SRBD1: variants seen among roughly 807,000 people sequenced by gnomAD.
The protein encoded by SRBD1 is S1 RNA-binding domain-containing protein 1.
SRBD1 carries 88 observed loss-of-function variants against 115.3 expected under a neutral mutation model. The observed-to-expected ratio is 0.76, with a 90% confidence interval of 0.64 to 0.91. SRBD1 has a LOEUF of 0.91. Among genes scored for constraint, SRBD1 ranks in the 40% least tolerant of loss-of-function variants. SRBD1 has a pLI of 0.00. For synonymous variants in SRBD1, 509 were observed against 407.7 expected (o/e 1.25, Z -2.99); for missense variants, 1,385 against 1,177.4 (o/e 1.18, Z -2.58).
At chr2:45,404,235 T>C (rs758922574) in intron 19 of SRBD1, among the ~76,000 whole-genome samples, 5 of 152,124 alleles carry the variant, frequency 3.3e-5, no homozygotes, top group Non-Finnish European at 7.4e-5. Flanking sequence ...GTTGAAGATT[T>C]TGGGGAGAGA....
Position 45,389,196 on chromosome 2 carries a change from G to C in SRBD1, c.*114C>G. 8.4e-7 allele frequency: 1 copy of C among 1,196,146 alleles called. No individual in the cohort carries two copies. Among genetic ancestry groups the C allele is most frequent in the South Asian group, 1.7e-5 (1 of 60,142 alleles). 74.1% of individuals were successfully genotyped at this position (1,196,146 alleles called of 1,614,324 possible). On this transcript the variant is annotated 3_prime_UTR_variant, in exon 21 of 21. Transcript: ENST00000263736. ...AGGAAAGTGTTTGGAAAATATTTCT[G>C]ATATTAAGTGAATTATTTCTCATCT...
intron 15 of SRBD1, among the ~76,000 whole-genome samples, chr2:45,478,021 T>C (rs1344524482): frequency 1.3e-5 from 2 of 151,624 alleles, no homozygotes; most frequent in Non-Finnish European, 2.9e-5. Context: ...GTTTATAAGA[T>C]AGATTTAGCT....
chr2:45,579,763 G>T, intron 7 of SRBD1, 112 bp downstream of exon 7: 1 of 1,237,514 alleles, frequency 8.1e-7, no homozygotes, highest in Non-Finnish European at 1.1e-6. Context: ...TACATACGCT[G>T]TAATATTCTT....
At chr2:45,509,019 A>G (rs574913640) in intron 14 of SRBD1, among the ~76,000 whole-genome samples, 31 of 152,192 alleles carry the variant, frequency 2.0e-4, no homozygotes, top group African/African-American at 7.2e-4. Flanking sequence ...AAGAGAATAC[A>G]TGCTAGTACA....
rs144757436 is a variant in SRBD1 at position 45,542,999 on chromosome 2, T to C, written c.1874+3733A>G. On this transcript the variant is annotated intron_variant, in intron 14 of 20. Transcript: ENST00000263736. ...TAAATCTAAAAAACACAAACTAATG[T>C]ATAACTACAAAAGCAAAATGAGTGC... is the stretch of plus-strand genomic sequence containing the variant. Among the ~76,000 whole-genome samples, 35 of 152,310 alleles carry C rather than the reference T, an allele frequency of 2.3e-4. No homozygotes were observed. The East Asian group carries it at 2.9e-3, about 13-fold the overall frequency.
intron 19 of SRBD1, among the ~76,000 whole-genome samples, chr2:45,401,087 C>A (rs1178468562): frequency 1.3e-5 from 2 of 152,090 alleles, no homozygotes; most frequent in Non-Finnish European, 2.9e-5. Context: ...TTTGTAAGGG[C>A]ACTTTTGAAA....
intron 16 of SRBD1, among the ~76,000 whole-genome samples, chr2:45,461,364 G>C (rs1461879687): frequency 6.6e-6 from 1 of 152,162 alleles, no homozygotes; most frequent in Non-Finnish European, 1.5e-5. Flanking sequence ...AAATGACGGA[G>C]TCTTTCAAAA....
intron 14 of SRBD1, among the ~76,000 whole-genome samples, chr2:45,504,764 G>A (rs1670747007): frequency 6.6e-6 from 1 of 152,090 alleles, no homozygotes; most frequent in Non-Finnish European, 1.5e-5. Context: ...GGAAGAGGAA[G>A]CGGCAAGGAC....
In SRBD1 at chr2:45,601,940, C is replaced by A. The variant is rs1323533161; in HGVS notation, c.224G>T (p.Ser75Ile). The A allele has an allele frequency of 6.2e-7, 1 of 1,614,104 alleles. No individual in the cohort carries two copies. Among genetic ancestry groups the A allele is most frequent in the Non-Finnish European group, 8.5e-7 (1 of 1,180,028 alleles). The change falls in exon 3 of 21, where the codon AGT becomes ATT. Residue 75 changes from serine to isoleucine, a missense_variant. Coordinates refer to ENST00000263736, the MANE Select transcript of SRBD1 (RefSeq NM_018079.5). ...PRVKKNAPQI[S>I]DGSEVVVVKE... ...AACAACAACGACTTCTGAGCCATCA[C>A]TGATCTGTGGGGCATTCTTCTTCAC...
chr2:45,563,987 C>T (rs1672749092), intron 9 of SRBD1, among the ~76,000 whole-genome samples: 1 of 152,082 alleles, frequency 6.6e-6, no homozygotes, highest in Non-Finnish European at 1.5e-5. Flanking sequence ...CCAGACAAGA[C>T]TTCACAAGAA....
intron 9 of SRBD1, among the ~76,000 whole-genome samples, chr2:45,564,366 C>G (rs1446517443): frequency 6.6e-6 from 1 of 152,122 alleles, no homozygotes; most frequent in East Asian, 1.9e-4. Flanking sequence ...AGACCAGGAA[C>G]AAGACAAGCG....
At chr2:45,466,149 G>C (rs1412195344) in intron 16 of SRBD1, among the ~76,000 whole-genome samples, 1 of 152,152 alleles carries the variant, frequency 6.6e-6, no homozygotes, top group Non-Finnish European at 1.5e-5. Context: ...CTTAACACTA[G>C]CTGTTCTTTT....
chr2:45,517,572 T>A (rs1671157876), intron 14 of SRBD1, among the ~76,000 whole-genome samples: 1 of 152,244 alleles, frequency 6.6e-6, no homozygotes, highest in African/African-American at 2.4e-5. Context: ...TTCCCGTTAA[T>A]CCTAAGTAAA....
intron 5 of SRBD1, among the ~76,000 whole-genome samples, chr2:45,582,609 A>G (rs1055388345): frequency 6.6e-6 from 1 of 152,126 alleles, no homozygotes; most frequent in African/African-American, 2.4e-5. Context: ...ACTTAGTGCT[A>G]CAATCCATTG....
chr2:45,547,493 T>C (rs545702227), intron 13 of SRBD1, 29 bp downstream of exon 13: 73 of 1,594,528 alleles, frequency 4.6e-5, no homozygotes, highest in Non-Finnish European at 6.2e-5. Context: ...GAGCCACTGA[T>C]ATATTCAAAA....
chr2:45,396,093 C>T (rs903597731), intron 19 of SRBD1, among the ~76,000 whole-genome samples: 1 of 151,534 alleles, frequency 6.6e-6, no homozygotes, highest in Non-Finnish European at 1.5e-5. Context: ...TTAATCATGA[C>T]AATGATCCTA....
intron 16 of SRBD1, among the ~76,000 whole-genome samples, chr2:45,445,984 A>G (rs1297731980): frequency 6.6e-6 from 1 of 152,208 alleles, no homozygotes; most frequent in African/African-American, 2.4e-5. Context: ...CTTGAGTAAG[A>G]AAAGTCAGAA....
chr2:45,524,604 T>C (rs1271727629), intron 14 of SRBD1, among the ~76,000 whole-genome samples: 2 of 152,042 alleles, frequency 1.3e-5, no homozygotes, highest in Non-Finnish European at 1.5e-5. Context: ...ATCGAACTTA[T>C]ACTCTGAAAG....
chr2:45,514,792 G>T (rs924377575), intron 14 of SRBD1, among the ~76,000 whole-genome samples: 2 of 152,130 alleles, frequency 1.3e-5, no homozygotes, highest in African/African-American at 4.8e-5. Context: ...AAATACTTTT[G>T]AAAGTGTTCC....
Sources: gnomAD v4.1 joint callset for allele counts (sites outside exome capture counted in the v4.1 genomes callset) on GRCh38, gnomAD v4.1.1 for gene constraint, MANE v1.5 for transcripts, NCBI Gene and HGNC (gene_info 2026-07-23, HGNC 2026-07-21) for gene names.